PRKN: variants seen among roughly 807,000 people sequenced by gnomAD.
PRKN encodes the protein parkin RBR E3 ubiquitin protein ligase.
Under a neutral mutation model 59.5 loss-of-function variants are expected in PRKN, and 56 were observed. The ratio of observed to expected loss-of-function variants is 0.94; its 90% confidence interval spans 0.76 to 1.18. The LOEUF is 1.18. Among genes scored for constraint, PRKN ranks in the 50% most tolerant of loss-of-function variants. The pLI, the probability that PRKN is intolerant of heterozygous loss-of-function variation, is 0.00. For synonymous variants in PRKN, 250 were observed against 222.1 expected (o/e 1.13, Z -1.12); for missense variants, 657 against 596.4 (o/e 1.10, Z -1.06).
chr6:162,246,392 A>G (rs967733706), intron 3 of PRKN, among the ~76,000 whole-genome samples: 1 of 152,134 alleles, frequency 6.6e-6, no homozygotes, highest in African/African-American at 2.4e-5. Context: ...TTGATCTTGG[A>G]CATTTGGCCT....
intron 3 of PRKN, among the ~76,000 whole-genome samples, chr6:162,235,975 A>AAGAAAGAAAGAAAG (rs1562602446): frequency 4.2e-4 from 47 of 110,616 alleles, no homozygotes; most frequent in African/African-American, 1.7e-3. Context: ...GAAAGAAAGA[A>AAGAAAGAAAGAAAG]AGAAAGAAAG....
Position 162,213,494 on chromosome 6 carries a change from G to A in PRKN, c.413-12242C>T, listed in dbSNP as rs553688876. Among the ~76,000 whole-genome samples the A allele has an allele frequency of 6.6e-5, 10 of 152,274 alleles. No homozygotes were observed. The South Asian group carries it at 2.1e-3, about 32-fold the overall frequency. On this transcript the variant is annotated intron_variant, in intron 3 of 11. Coordinates refer to ENST00000366898, the MANE Select transcript of PRKN (RefSeq NM_004562.3). ...TGTCATCCCAGCAGTTTGGGAGGCT[G>A]AGACAAGTTGAGCTTGAGCTCAGGA... is the stretch of plus-strand genomic sequence containing the variant.
At chr6:161,532,590 G>A (rs1367412796) in intron 9 of PRKN, among the ~76,000 whole-genome samples, 2 of 152,062 alleles carry the variant, frequency 1.3e-5, no homozygotes, top group Non-Finnish European at 2.9e-5. Flanking sequence ...TAGCTTTGTG[G>A]GGTTTTTTTA....
intron 7 of PRKN, among the ~76,000 whole-genome samples, chr6:161,662,818 C>T (rs1004945414): frequency 1.1e-4 from 17 of 152,228 alleles, no homozygotes; most frequent in African/African-American, 4.1e-4. Flanking sequence ...TCTAATCGAA[C>T]ACATGAGGAT....
At chr6:162,207,807 A>C (rs1785017330) in intron 3 of PRKN, among the ~76,000 whole-genome samples, 1 of 152,194 alleles carries the variant, frequency 6.6e-6, no homozygotes, top group Admixed American at 6.5e-5. Context: ...ATGGCTAGTG[A>C]AGTTCCCTGA....
chr6:161,940,557 C>T (rs1452221535), intron 6 of PRKN, among the ~76,000 whole-genome samples: 1 of 152,158 alleles, frequency 6.6e-6, no homozygotes, highest in East Asian at 1.9e-4. Context: ...AGTTTTAGAA[C>T]CAGAGGACAT....
At chr6:161,730,914 A>G (rs1374135533) in intron 7 of PRKN, among the ~76,000 whole-genome samples, 7 of 145,188 alleles carry the variant, frequency 4.8e-5, no homozygotes, top group African/African-American at 7.8e-5. Flanking sequence ...TCTTTCAGAT[A>G]TGTTGCATTC....
Position 161,360,204 on chromosome 6 carries a change from G to T in PRKN, c.1169C>A (p.Ala390Asp), listed in dbSNP as rs751005126. 2 of 1,610,528 alleles carry T rather than the reference G, an allele frequency of 1.2e-6. No individual in the cohort carries two copies. The highest frequency in any genetic ancestry group is 1.7e-5 in the Admixed American group (1 of 60,002). ...VFEASGTTTQ[A>D]YRVDERAAEQ... is the part of the protein sequence containing the mutation. The stretch of plus-strand genomic sequence containing the variant: ...GGCGGCTCTTTCATCGACTCTGTAG[G>T]CCTGGGGAAACAAAGAGGAAAGGCG... The change falls in exon 11 of 12, where the codon GCC becomes GAC. Residue 390 changes from alanine to aspartate, a missense_variant and splice_region_variant. Ala to Asp is a moderately radical substitution (Grantham distance 126). Transcript: ENST00000366898. This position sits in a 1 kb window ranked among gnomAD's most constrained non-coding sequence, Gnocchi z 5.1.
chr6:161,807,931 C>T (rs1791404050), intron 6 of PRKN, among the ~76,000 whole-genome samples: 1 of 152,210 alleles, frequency 6.6e-6, no homozygotes, highest in African/African-American at 2.4e-5. Flanking sequence ...GGTACACACA[C>T]CCTCCACAAA....
intron 5 of PRKN, among the ~76,000 whole-genome samples, chr6:161,975,173 C>T (rs971111661): frequency 2.0e-5 from 3 of 149,786 alleles, no homozygotes; most frequent in African/African-American, 4.9e-5. Flanking sequence ...GCAAACTCTG[C>T]CTCCTGGGCT....
In PRKN at chr6:161,396,694, T is replaced by TA. The variant is rs1786775392; in HGVS notation, c.1084-9818dup. Among the ~76,000 whole-genome samples, 1 of 152,176 alleles carries TA rather than the reference T, an allele frequency of 6.6e-6. No individual in the cohort carries two copies. Among genetic ancestry groups the TA allele is most frequent in the Non-Finnish European group, 1.5e-5 (1 of 68,040 alleles). Reference sequence around the variant, plus strand: ...TGTAGAAATGATTACGCTACGCCAGTAAAAATGTGAAATCCAAGCCATATG... The same window carrying TA: ...TGTAGAAATGATTACGCTACGCCAGTAAAAAATGTGAAATCCAAGCCATATG... On this transcript the variant is annotated intron_variant, in intron 9 of 11. Transcript: ENST00000366898. This position sits in a 1 kb window ranked among gnomAD's most constrained non-coding sequence, Gnocchi z 5.4.
intron 4 of PRKN, among the ~76,000 whole-genome samples, chr6:162,115,920 C>T (rs956806356): frequency 1.8e-4 from 28 of 152,174 alleles, no homozygotes; most frequent in Non-Finnish European, 7.3e-5. Flanking sequence ...ATACACTCTC[C>T]ACAGCATCTT....
At chr6:162,011,423 ATAATATATATGT>A in intron 5 of PRKN, among the ~76,000 whole-genome samples, 1 of 15,110 alleles carries the variant, frequency 6.6e-5, no homozygotes, top group African/African-American at 6.6e-4. Context: ...ATTATATTTT[ATAATATATATGT>A]TATATATTTA....
chr6:161,439,965 T>G (rs1244591437), intron 9 of PRKN, among the ~76,000 whole-genome samples: 5 of 151,750 alleles, frequency 3.3e-5, no homozygotes, highest in Admixed American at 2.0e-4. Flanking sequence ...TTTGTTTTTT[T>G]TTTTTGACGG....
chr6:162,222,942 T>C (rs371736982), intron 3 of PRKN, among the ~76,000 whole-genome samples: 7 of 151,980 alleles, frequency 4.6e-5, no homozygotes, highest in East Asian at 1.9e-4. Context: ...TGTGCCATGC[T>C]GGTGTGCTGC....
intron 1 of PRKN, among the ~76,000 whole-genome samples, chr6:162,556,914 A>G (rs555574837): frequency 1.3e-5 from 2 of 152,228 alleles, no homozygotes; most frequent in South Asian, 2.1e-4. Flanking sequence ...CCTTCACAGG[A>G]TATCAGACAA....
At chr6:162,529,534 A>G (rs1472494338) in intron 1 of PRKN, among the ~76,000 whole-genome samples, 1 of 152,164 alleles carries the variant, frequency 6.6e-6, no homozygotes, top group Non-Finnish European at 1.5e-5. Flanking sequence ...AGGCAGGTCT[A>G]TGCAACCCAC....
intron 2 of PRKN, among the ~76,000 whole-genome samples, chr6:162,318,181 A>G (rs1235114907): frequency 6.6e-6 from 1 of 152,036 alleles, no homozygotes. Flanking sequence ...TTTCTGTGTG[A>G]CTGCTTATTT....
At chr6:161,943,349 C>A (rs1779635774) in intron 6 of PRKN, among the ~76,000 whole-genome samples, 1 of 152,180 alleles carries the variant, frequency 6.6e-6, no homozygotes, top group Non-Finnish European at 1.5e-5. Context: ...GTGCCAAGCA[C>A]TGGGTTAGAA....
Sources: allele counts gnomAD v4.1 joint callset (sites outside exome capture counted in the v4.1 genomes callset), GRCh38; gene constraint gnomAD v4.1.1; non-coding constraint Gnocchi (gnomAD v3.1); transcripts MANE v1.5; gene names NCBI Gene and HGNC (gene_info 2026-07-23, HGNC 2026-07-21).